AKT3: variants seen among roughly 807,000 people sequenced by gnomAD.
AKT3 encodes RAC-gamma serine/threonine-protein kinase.
In AKT3, 15 loss-of-function variants were observed where a neutral mutation model predicts 65.3. The ratio of observed to expected loss-of-function variants is 0.23; its 90% CI spans 0.15 to 0.35. The LOEUF is 0.35. Among genes scored for constraint, AKT3 ranks in the 10% least tolerant of loss-of-function variants. The pLI, the probability that AKT3 is intolerant of heterozygous loss-of-function variation, is 1.00. For missense variants in AKT3, 243 were observed against 576.5 expected (o/e 0.42, Z 5.92); for synonymous variants, 206 against 183.8 (o/e 1.12, Z -0.98).
At chr1:243,511,030 T>C (rs1669978643) in intron 13 of AKT3, among the ~76,000 whole-genome samples, 1 of 152,250 alleles carries the variant, frequency 6.6e-6, no homozygotes, top group South Asian at 2.1e-4. Context: ...TCCACAGGCT[T>C]TCCAACATTG....
chr1:243,656,746 T>C (rs1572113639), intron 4 of AKT3, among the ~76,000 whole-genome samples: 3 of 152,216 alleles, frequency 2.0e-5, no homozygotes, highest in Admixed American at 1.3e-4. Flanking sequence ...GGCATACGTG[T>C]GCGCATGCAC....
intron 2 of AKT3, among the ~76,000 whole-genome samples, chr1:243,761,126 A>C (rs978640735): frequency 1.3e-5 from 2 of 152,196 alleles, no homozygotes; most frequent in Non-Finnish European, 2.9e-5. Context: ...AAGCCAAGAC[A>C]CCAGAGCAGG....
At chr1:243,664,452 C>T (rs1042324079) in intron 4 of AKT3, among the ~76,000 whole-genome samples, 4 of 151,840 alleles carry the variant, frequency 2.6e-5, no homozygotes, top group African/African-American at 9.7e-5. Context: ...GATCCACCTG[C>T]CTCAGCCTCC....
chr1:243,599,692 A>C (rs1289196346), intron 8 of AKT3, among the ~76,000 whole-genome samples: 1 of 152,176 alleles, frequency 6.6e-6, no homozygotes, highest in Admixed American at 6.5e-5. Flanking sequence ...ACTTTTAATA[A>C]AGAGCATCTA....
At chr1:243,536,492 A>C (rs952816543) in intron 12 of AKT3, among the ~76,000 whole-genome samples, 5 of 152,196 alleles carry the variant, frequency 3.3e-5, no homozygotes, top group African/African-American at 1.2e-4. Flanking sequence ...TGATCTACTT[A>C]TCACGTTTAA....
intron 1 of AKT3, among the ~76,000 whole-genome samples, chr1:243,844,914 G>T (rs542588863): frequency 2.6e-5 from 4 of 152,130 alleles, no homozygotes; most frequent in South Asian, 2.1e-4. Context: ...AAATCCATTT[G>T]CACAGAAGGG....
chr1:243,782,831 A>C (rs1690999175), intron 2 of AKT3, among the ~76,000 whole-genome samples: 1 of 152,194 alleles, frequency 6.6e-6, no homozygotes, highest in Admixed American at 6.5e-5. Context: ...AGAAGCAGTA[A>C]ATGTGAAAGA....
intron 2 of AKT3, among the ~76,000 whole-genome samples, chr1:243,727,637 T>C (rs981510181): frequency 7.2e-5 from 11 of 152,130 alleles, no homozygotes; most frequent in African/African-American, 1.4e-4. Flanking sequence ...TAGGCTGAAA[T>C]TGCAAAACTG....
chr1:243,679,471 C>G lies in AKT3; in HGVS notation c.173-14588G>C, dbSNP rs150818581. ...TAAAAATAACTGCCATCTTCATTGA[C>G]ATTATATGTAAAAGCACCAACAAGC... On this transcript the variant is annotated intron_variant, in intron 3 of 13. Coordinates refer to ENST00000673466, the MANE Select transcript of AKT3 (RefSeq NM_005465.7). 2.8e-3 allele frequency among the ~76,000 whole-genome samples: 423 copies of G among 152,284 alleles called. 2 individuals are homozygous for G. The highest frequency in any genetic ancestry group is 4.4e-3 in the Non-Finnish European group (298 of 68,014).
At chr1:243,511,701 C>T (rs1406715059) in intron 13 of AKT3, among the ~76,000 whole-genome samples, 1 of 152,184 alleles carries the variant, frequency 6.6e-6, no homozygotes, top group Admixed American at 6.5e-5. Flanking sequence ...ATCACCTTTT[C>T]CCTCATTACA....
chr1:243,547,900 T>G (rs1246563109), intron 11 of AKT3: 1 of 152,220 alleles, frequency 6.6e-6, no homozygotes, highest in Non-Finnish European at 1.5e-5. Context: ...ATGGCACTTT[T>G]AGGTTTGATC....
chr1:243,683,978 T>C (rs1472649245), intron 3 of AKT3, among the ~76,000 whole-genome samples: 1 of 152,190 alleles, frequency 6.6e-6, no homozygotes, highest in Non-Finnish European at 1.5e-5. Context: ...ACACAGGTCT[T>C]TCTCAGCCTG....
chr1:243,647,042 A>C (rs1202382052), intron 4 of AKT3, among the ~76,000 whole-genome samples: 1 of 152,156 alleles, frequency 6.6e-6, no homozygotes, highest in African/African-American at 2.4e-5. Context: ...TTTTGGGAAA[A>C]CTACCATCGT....
chr1:243,524,399 G>C (rs77366246), intron 12 of AKT3, among the ~76,000 whole-genome samples: 1 of 152,166 alleles, frequency 6.6e-6, no homozygotes, highest in African/African-American at 2.4e-5. Flanking sequence ...TGCATGCACA[G>C]GGAAGCCTCC....
chr1:243,609,675 A>G (rs1677719227), intron 8 of AKT3, among the ~76,000 whole-genome samples: 1 of 152,194 alleles, frequency 6.6e-6, no homozygotes, highest in South Asian at 2.1e-4. Context: ...CACTTGCTTC[A>G]AAATATTAAA....
At chr1:243,782,512 C>A (rs899541754) in intron 2 of AKT3, among the ~76,000 whole-genome samples, 6 of 152,064 alleles carry the variant, frequency 3.9e-5, no homozygotes, top group Admixed American at 3.9e-4. Context: ...CAGGCAGAGC[C>A]CTCATGACCT....
intron 3 of AKT3, among the ~76,000 whole-genome samples, chr1:243,683,927 AG>A (rs1187455960): frequency 6.6e-6 from 1 of 152,128 alleles, no homozygotes; most frequent in East Asian, 1.9e-4. Flanking sequence ...TATTACTTTA[AG>A]AAAAAACAAC....
At chr1:243,599,998 T>G (rs1254355741) in intron 8 of AKT3, among the ~76,000 whole-genome samples, 1 of 152,110 alleles carries the variant, frequency 6.6e-6, no homozygotes. Flanking sequence ...TATGTCTATA[T>G]ATTAGCAAGA....
chr1:243,489,373 A>G (rs1334931882), intron 13 of AKT3, among the ~76,000 whole-genome samples: 1 of 152,206 alleles, frequency 6.6e-6, no homozygotes, highest in African/African-American at 2.4e-5. Context: ...CCGGCCCGCG[A>G]ATCAACGAAC....
Sources: allele counts gnomAD v4.1 joint callset (sites outside exome capture counted in the v4.1 genomes callset), GRCh38; gene constraint gnomAD v4.1.1; transcripts MANE v1.5; gene names NCBI Gene and HGNC (gene_info 2026-07-23, HGNC 2026-07-21).